Variants in INTS9 observed in about 807,000 individuals in gnomAD.
INTS9 encodes protein related to CPSF subunits of 74 kDa.
Under a neutral mutation model 79.7 loss-of-function variants are expected in INTS9, and 55 were observed. The ratio of observed to expected loss-of-function variants is 0.69; its 90% CI spans 0.56 to 0.86. The LOEUF is 0.86. Ranked by LOEUF, INTS9 falls within the 40% of genes least tolerant of loss-of-function variation. The pLI is 0.00. For missense variants in INTS9, 721 were observed against 831.5 expected (o/e 0.87, Z 1.64); for synonymous variants, 319 against 325.2 (o/e 0.98, Z 0.20).
In INTS9 at chr8:28,813,622, G is replaced by C. The variant is rs775839901; in HGVS notation, c.489-10C>G. Reference sequence around the variant, plus strand: ...AGGAGAAGGTAACAGCCTGCAAATGGATCACAATGTCAACTACCAGGTGAA... The same window carrying C: ...AGGAGAAGGTAACAGCCTGCAAATGCATCACAATGTCAACTACCAGGTGAA... On this transcript the variant is annotated splice_polypyrimidine_tract_variant and intron_variant, in intron 6 of 16. Coordinates refer to ENST00000521022, the MANE Select transcript of INTS9 (RefSeq NM_018250.4). 1.2e-6 allele frequency: 2 copies of C among 1,612,072 alleles called. No homozygotes were observed. The highest frequency in any genetic ancestry group is 4.5e-5 in the East Asian group (2 of 44,818).
intron 10 of INTS9, among the ~76,000 whole-genome samples, chr8:28,792,453 C>T (rs893551583): frequency 6.6e-6 from 1 of 151,526 alleles, no homozygotes; most frequent in African/African-American, 2.4e-5. Flanking sequence ...GAGACTAAAA[C>T]TATCAGTATA....
intron 6 of INTS9, among the ~76,000 whole-genome samples, chr8:28,834,759 C>T (rs922395674): frequency 1.3e-5 from 2 of 151,776 alleles, no homozygotes; most frequent in African/African-American, 4.8e-5. Flanking sequence ...TCACTGAAAC[C>T]TCTGCCTCCC....
chr8:28,857,709 AC>A (rs1418994918), intron 2 of INTS9, among the ~76,000 whole-genome samples: 1 of 152,216 alleles, frequency 6.6e-6, no homozygotes. Flanking sequence ...CTGAGTAGCT[AC>A]CACATGCCAA....
intron 6 of INTS9, among the ~76,000 whole-genome samples, chr8:28,813,949 TG>T (rs1405389288): frequency 1.3e-5 from 2 of 151,512 alleles, no homozygotes; most frequent in African/African-American, 4.9e-5. Flanking sequence ...TTAGTAGAGA[TG>T]GGGTTTCACC....
At chr8:28,790,574 C>T (rs1319742044) in intron 10 of INTS9, among the ~76,000 whole-genome samples, 6 of 152,160 alleles carry the variant, frequency 3.9e-5, no homozygotes, top group South Asian at 2.1e-4. Flanking sequence ...GCAATCCTCC[C>T]GCCTTGGCCT....
chr8:28,788,698 C>G (rs1437416119), intron 10 of INTS9, among the ~76,000 whole-genome samples: 1 of 152,216 alleles, frequency 6.6e-6, no homozygotes. Context: ...AGATTACAGG[C>G]GTGAGCCACT....
chr8:28,799,007 A>G (rs142318701), intron 8 of INTS9, among the ~76,000 whole-genome samples: 3 of 152,310 alleles, frequency 2.0e-5, no homozygotes, highest in East Asian at 1.9e-4. Flanking sequence ...ATAAAAATAT[A>G]TAACACAGGT....
At chr8:28,839,568 G>A (rs1207880770) in intron 4 of INTS9, among the ~76,000 whole-genome samples, 4 of 152,256 alleles carry the variant, frequency 2.6e-5, no homozygotes, top group East Asian at 1.9e-4. Context: ...AACCAAAACA[G>A]CATGGTACTG....
intron 1 of INTS9, among the ~76,000 whole-genome samples, chr8:28,867,915 A>C (rs1808853134): frequency 6.6e-6 from 1 of 152,148 alleles, no homozygotes; most frequent in Admixed American, 6.5e-5. Context: ...TCATTTTCTC[A>C]TTTTACAGAT....
At chr8:28,838,028 C>G (rs1806915863) in intron 4 of INTS9, among the ~76,000 whole-genome samples, 1 of 152,016 alleles carries the variant, frequency 6.6e-6, no homozygotes, top group African/African-American at 2.4e-5. Context: ...GAACAGAATT[C>G]TTCTGAATTA....
chr8:28,873,817 GGAA>G (rs1346713194), intron 1 of INTS9, among the ~76,000 whole-genome samples: 1 of 152,132 alleles, frequency 6.6e-6, no homozygotes. Context: ...TATCAGTTCT[GGAA>G]GAAGAGGATC....
intron 10 of INTS9, among the ~76,000 whole-genome samples, chr8:28,789,964 C>T (rs1361497791): frequency 6.6e-6 from 1 of 152,194 alleles, no homozygotes; most frequent in Non-Finnish European, 1.5e-5. Context: ...GAGCTATTCC[C>T]TCCCATCTCC....
Position 28,787,929 on chromosome 8 carries a change from C to T in INTS9, c.1038-40G>A, listed in dbSNP as rs368666382. The T allele has an allele frequency of 3.2e-5, 46 of 1,448,388 alleles. 1 individual carries two copies. Among genetic ancestry groups the T allele is most frequent in the Non-Finnish European group, 4.2e-5 (44 of 1,041,204 alleles). The allele number at this position is 1,448,388 out of a possible 1,614,324, so 89.7% of individuals were successfully genotyped here. On this transcript the variant is annotated intron_variant, in intron 10 of 16. Transcript: ENST00000521022. Reference sequence around the variant, plus strand: ...AAACACATCAGCATGTGAGGAAGAGCATACGGTGGCATCTGTTGCCACCTA... The same window carrying T: ...AAACACATCAGCATGTGAGGAAGAGTATACGGTGGCATCTGTTGCCACCTA...
At chr8:28,786,149 A>G (rs1803574731) in intron 11 of INTS9, among the ~76,000 whole-genome samples, 1 of 152,112 alleles carries the variant, frequency 6.6e-6, no homozygotes, top group Non-Finnish European at 1.5e-5. Flanking sequence ...ATGTTTGTGC[A>G]GTTTATCTAC....
intron 6 of INTS9, among the ~76,000 whole-genome samples, chr8:28,830,946 T>C (rs760657695): frequency 1.6e-4 from 24 of 152,198 alleles, no homozygotes; most frequent in Non-Finnish European, 2.2e-4. Context: ...TGGGCAAATA[T>C]ATTTCAACTA....
intron 2 of INTS9, among the ~76,000 whole-genome samples, chr8:28,850,711 C>T (rs1273429077): frequency 6.6e-6 from 1 of 152,156 alleles, no homozygotes; most frequent in Non-Finnish European, 1.5e-5. Flanking sequence ...TGCTATCTTC[C>T]CATCAGCATT....
At chr8:28,849,436 G>T (rs550908773) in intron 3 of INTS9, among the ~76,000 whole-genome samples, 2 of 151,706 alleles carry the variant, frequency 1.3e-5, no homozygotes, top group Non-Finnish European at 2.9e-5. Flanking sequence ...ATTTATTTTA[G>T]GTGTAGTCAG....
chr8:28,869,274 T>C (rs1324426057), intron 1 of INTS9, among the ~76,000 whole-genome samples: 1 of 152,148 alleles, frequency 6.6e-6, no homozygotes, highest in East Asian at 1.9e-4. Context: ...ACTTCTGGGC[T>C]CCAGCAAGTG....
Position 28,859,422 on chromosome 8 carries a change from G to A in INTS9, c.137+14C>T, listed in dbSNP as rs763274355. On this transcript the variant is annotated intron_variant, in intron 2 of 16. Coordinates refer to ENST00000521022, the MANE Select transcript of INTS9 (RefSeq NM_018250.4). ...CTTAAAGCTCATTTTGTCTTTGGCT[G>A]CACCAGCACATACCTTTGAACAAGT... 2 of 1,612,408 alleles carry A rather than the reference G, an allele frequency of 1.2e-6. No individual in the cohort carries two copies. Among genetic ancestry groups the A allele is most frequent in the South Asian group, 1.1e-5 (1 of 90,568 alleles).
Sources: allele counts gnomAD v4.1 joint callset (sites outside exome capture counted in the v4.1 genomes callset), GRCh38; gene constraint gnomAD v4.1.1; transcripts MANE v1.5; gene names NCBI Gene and HGNC (gene_info 2026-07-23, HGNC 2026-07-21).